Variants in DCP2 observed in about 807,000 individuals in gnomAD.
The protein encoded by DCP2 is decapping mRNA 2, also known as m7GpppN-mRNA hydrolase.
A neutral mutation model predicts 56.1 loss-of-function variants in DCP2; 30 were observed. That is an observed-to-expected ratio of 0.53 (90% CI 0.40 to 0.73). The LOEUF is 0.73. Ranked by LOEUF, DCP2 falls within the 30% of genes least tolerant of loss-of-function variation. The probability of loss-of-function intolerance (pLI) is 0.00; values close to 1 mark genes in which losing one functional copy is unlikely to be tolerated. For missense variants in DCP2, 533 were observed against 502.7 expected (o/e 1.06, Z -0.58); for synonymous variants, 197 against 163.3 (o/e 1.21, Z -1.57).
Position 112,976,880 on chromosome 5 carries a change from C to T in DCP2, c.-54C>T. Reference sequence around the variant, plus strand: ...AGCCGGAGTCCTAGTGCCGTACCGTCAGTCCCCGGCCGCGCGGAGCCGGGA... The same window carrying T: ...AGCCGGAGTCCTAGTGCCGTACCGTTAGTCCCCGGCCGCGCGGAGCCGGGA... On this transcript the variant is annotated 5_prime_UTR_variant, in exon 1 of 11. Transcript: ENST00000389063. The T allele has an allele frequency of 2.5e-6, 4 of 1,588,096 alleles. No homozygotes were observed. The South Asian group carries it at 4.4e-5, about 18-fold the overall frequency.
chr5:112,991,586 C>T (rs1046657960), intron 2 of DCP2, among the ~76,000 whole-genome samples: 1 of 152,190 alleles, frequency 6.6e-6, no homozygotes, highest in Non-Finnish European at 1.5e-5. Flanking sequence ...TATAGAATGG[C>T]ATACCTCATT....
intron 4 of DCP2, among the ~76,000 whole-genome samples, chr5:112,996,123 G>T (rs1206381479): frequency 6.6e-6 from 1 of 152,180 alleles, no homozygotes; most frequent in Non-Finnish European, 1.5e-5. Context: ...TTTTTTTGGT[G>T]AGGGGACATA....
Position 113,001,180 on chromosome 5 carries a change from A to G in DCP2, c.529A>G (p.Ile177Val), listed in dbSNP as rs745794074. 5 of 1,613,786 alleles carry G rather than the reference A, an allele frequency of 3.1e-6. No homozygotes were observed. The highest frequency in any genetic ancestry group is 4.2e-6 in the Non-Finnish European group (5 of 1,179,948). The change falls in exon 5 of 11, where the codon ATT (isoleucine) becomes GTT (valine). Residue 177 changes from isoleucine to valine, a missense_variant. Coordinates refer to ENST00000389063, the MANE Select transcript of DCP2 (RefSeq NM_152624.6). The stretch of plus-strand genomic sequence containing the variant: ...TGACCAGCTTGCTCGTTTGTACATC[A>G]TTCCAGGAATTCCAAAAGACACAAA... ...INDQLARLYI[I>V]PGIPKDTKFN...
intron 4 of DCP2, among the ~76,000 whole-genome samples, chr5:112,994,683 GAACT>G (rs1748767749): frequency 6.6e-6 from 1 of 152,124 alleles, no homozygotes; most frequent in African/African-American, 2.4e-5. Context: ...TTGAGAAGTT[GAACT>G]AATAGGAAGT....
chr5:112,976,976 G>A lies in DCP2; in HGVS notation c.43G>A (p.Asp15Asn). The A allele has an allele frequency of 6.3e-7, 1 of 1,587,706 alleles. No homozygotes were observed. The highest frequency in any genetic ancestry group is 2.3e-5 in the East Asian group (1 of 43,652). Residue 15 changes from aspartate to asparagine, a missense_variant, in exon 1 of 11, where the codon GAT becomes AAT. By Grantham distance (23) the Asp-to-Asn change is conservative. This residue lies in a region of DCP2 where 137 missense variants were observed against 138.2 expected (regional missense o/e 0.99). Transcript: ENST00000389063. ...RVEIPGSVLD[D>N]LCSRFILHIP... The stretch of plus-strand genomic sequence containing the variant: ...GGAGATTCCCGGCAGCGTCCTGGAC[G>A]ATCTCTGCAGGTACCGCGCTACCCG...
Position 113,019,971 on chromosome 5 carries a change from C to CT in DCP2, c.*6492dup, listed in dbSNP as rs1750038094. 1 of 152,016 alleles carries CT rather than the reference C, an allele frequency of 6.6e-6. No individual in the cohort carries two copies. The highest frequency in any genetic ancestry group is 2.4e-5 in the African/African-American group (1 of 41,394). 9.4% of individuals were successfully genotyped at this position (152,016 alleles called of 1,614,324 possible). A position where few individuals can be genotyped will look rare whatever the true frequency, so the allele number is the denominator to read the frequency against. On this transcript the variant is annotated 3_prime_UTR_variant, in exon 11 of 11. Transcript: ENST00000389063. ...TGGATGGGAAAGTGGTAAGACTTGA[C>CT]TTTTTAATACTGTGCCTATTTCCAA... is the stretch of plus-strand genomic sequence containing the variant.
chr5:112,978,208 C>G (rs1287716766), intron 1 of DCP2, among the ~76,000 whole-genome samples: 1 of 152,166 alleles, frequency 6.6e-6, no homozygotes, highest in Non-Finnish European at 1.5e-5. Context: ...AACTTCTGAC[C>G]TCGTGATCCA....
At chr5:112,994,083 C>T (rs1748728935) in intron 4 of DCP2, among the ~76,000 whole-genome samples, 1 of 151,642 alleles carries the variant, frequency 6.6e-6, no homozygotes, top group African/African-American at 2.4e-5. Context: ...AGACACGAGC[C>T]ACCGTGCTTG....
chr5:113,003,202 C>T (rs1407189571), intron 7 of DCP2, among the ~76,000 whole-genome samples: 3 of 152,166 alleles, frequency 2.0e-5, no homozygotes, highest in East Asian at 1.9e-4. Context: ...CCTCCTTGGC[C>T]TCCCAAAGTG....
chr5:113,001,659 C>T lies in DCP2; in HGVS notation c.791C>T (p.Thr264Ile). The T allele has an allele frequency of 6.2e-7, 1 of 1,614,028 alleles. No individual in the cohort carries two copies. The highest frequency in any genetic ancestry group is 8.5e-7 in the Non-Finnish European group (1 of 1,179,944). Residue 264 changes from threonine to isoleucine, a missense_variant, in exon 7 of 11, where the codon ACT becomes ATT. By Grantham distance (89) the Thr-to-Ile change is moderately conservative. Around this residue, in one of 3 missense-constraint regions of DCP2, gnomAD observed 392 missense variants for 346.6 expected, o/e 1.13. Transcript: ENST00000389063. The stretch of plus-strand genomic sequence containing the variant: ...ACTGGTAGCACGCCGGCTAAACCCA[C>T]TGTGGAAAAATTGAGGTAAAGAAAT... ...SSTGSTPAKPTVEKLSRTKFR... is the reference protein window; with the variant it reads ...SSTGSTPAKPIVEKLSRTKFR...
At chr5:113,005,045 C>T (rs1279412267) in intron 8 of DCP2, among the ~76,000 whole-genome samples, 4 of 151,740 alleles carry the variant, frequency 2.6e-5, no homozygotes, top group Non-Finnish European at 5.9e-5. Flanking sequence ...AGGAGAATTG[C>T]TTGAACTCGG....
In DCP2 at chr5:113,003,935, G is replaced by T. The variant is rs979969348; in HGVS notation, c.807-7G>T. 1 of 1,613,898 alleles carries T rather than the reference G, an allele frequency of 6.2e-7. No individual in the cohort carries two copies. ...CTGATTTGATTATTTTTTAAATCTT[G>T]GTGTAGTCGAACCAAATTCCGCCAC... On this transcript the variant is annotated splice_region_variant and splice_polypyrimidine_tract_variant and intron_variant, in intron 7 of 10. Transcript: ENST00000389063.
chr5:113,001,803 A>C, intron 7 of DCP2, 129 bp downstream of exon 7: 1 of 828,564 alleles, frequency 1.2e-6, no homozygotes, highest in East Asian at 2.6e-5. Flanking sequence ...TACTGGTCTC[A>C]CAGATAATAG....
chr5:112,976,808 T>G lies in DCP2; in HGVS notation c.-126T>G. On this transcript the variant is annotated 5_prime_UTR_variant, in exon 1 of 11. Coordinates refer to ENST00000389063, the MANE Select transcript of DCP2 (RefSeq NM_152624.6). Reference sequence around the variant, plus strand: ...CCGCCCCTTCCCCTTCTCGTCTCCGTTGGAGTCGTCTCTGCCGCGGCTTCC... The same window carrying G: ...CCGCCCCTTCCCCTTCTCGTCTCCGGTGGAGTCGTCTCTGCCGCGGCTTCC... The G allele has an allele frequency of 1.1e-6, 1 of 939,798 alleles. No individual in the cohort carries two copies. The highest frequency in any genetic ancestry group is 1.6e-5 in the African/African-American group (1 of 62,100). 58.2% of individuals were successfully genotyped at this position (939,798 alleles called of 1,614,324 possible). A position where few individuals can be genotyped will look rare whatever the true frequency, so the allele number is the denominator to read the frequency against.
In DCP2 at chr5:113,010,768, A is replaced by G; in HGVS notation, c.1060A>G (p.Lys354Glu). ...TTTTTTTAAATAGAAGTGTGAAAAGAAACTTCATCCACGGAAACTTCAGGA... is the reference window on the plus strand; with the variant it reads ...TTTTTTTAAATAGAAGTGTGAAAAGGAACTTCATCCACGGAAACTTCAGGA... ...QQNSLMKCEK[K>E]LHPRKLQDNF... Residue 354 changes from lysine (K) to glutamate (E), a missense_variant, in exon 10 of 11, where the codon AAA becomes GAA. Lys to Glu is a moderately conservative substitution (Grantham distance 56). Around this residue, in one of 3 missense-constraint regions of DCP2, gnomAD observed 392 missense variants for 346.6 expected, o/e 1.13. Transcript: ENST00000389063. 2 of 1,593,980 alleles carry G rather than the reference A, an allele frequency of 1.3e-6. No individual in the cohort carries two copies. The highest frequency in any genetic ancestry group is 1.8e-5 in the Admixed American group (1 of 56,720).
chr5:112,992,252 A>C lies in DCP2; in HGVS notation c.333+4A>C, dbSNP rs1172794675. The stretch of plus-strand genomic sequence containing the variant: ...TCTTGATGAGACACTTGAAAATGTG[A>C]GTGTAATGAAATAAAGATTTTTAGT... On this transcript the variant is annotated splice_donor_region_variant and intron_variant, in intron 3 of 10. Transcript: ENST00000389063. 1.2e-6 allele frequency: 2 copies of C among 1,606,486 alleles called. No homozygotes were observed. The highest frequency in any genetic ancestry group is 2.7e-5 in the African/African-American group (2 of 74,512).
intron 10 of DCP2, among the ~76,000 whole-genome samples, chr5:113,012,920 G>A (rs560117883): frequency 1.3e-5 from 2 of 152,198 alleles, no homozygotes; most frequent in South Asian, 4.1e-4. Context: ...GGGATTACAG[G>A]TGTGAGCCAC....
At chr5:113,005,149 TGG>T (rs1491174374) in intron 8 of DCP2, among the ~76,000 whole-genome samples, 1 of 80,748 alleles carries the variant, frequency 1.2e-5, no homozygotes, top group Non-Finnish European at 2.6e-5. Flanking sequence ...AGTGTGCGTG[TGG>T]GTGTGTGTGT....
Position 113,002,798 on chromosome 5 carries a change from C to T in DCP2, c.806+1124C>T, listed in dbSNP as rs374042614. On this transcript the variant is annotated intron_variant, in intron 7 of 10. Coordinates refer to ENST00000389063, the MANE Select transcript of DCP2 (RefSeq NM_152624.6). ...TCAGCTTCCCAAAGTTTTGAGATTA[C>T]GGGCGTGAGCCACCATGCCTGGCCT... Among the ~76,000 whole-genome samples, 12 of 152,158 alleles carry T rather than the reference C, an allele frequency of 7.9e-5. No homozygotes were observed. The East Asian group carries it at 1.2e-3, about 15-fold the overall frequency.
Sources: allele counts gnomAD v4.1 joint callset (sites outside exome capture counted in the v4.1 genomes callset), GRCh38; gene constraint gnomAD v4.1.1; regional missense constraint gnomAD v4.1.1; transcripts MANE v1.5; gene names NCBI Gene and HGNC (gene_info 2026-07-23, HGNC 2026-07-21).